The following TMEM35A variants were observed in gnomAD, a reference collection of about 807,000 sequenced individuals.
TMEM35A encodes transmembrane protein 35A.
For missense variants in TMEM35A, 83 were observed against 132.7 expected (o/e 0.63, Z 1.84); for synonymous variants, 50 against 54.7 (o/e 0.91, Z 0.38).
intron 1 of TMEM35A, among the ~76,000 whole-genome samples, chrX:101,080,433 G>A (rs186637607): frequency 8.9e-6 from 1 of 111,739 alleles, no homozygotes; most frequent in East Asian, 2.8e-4. Context: ...CTCACCGCAG[G>A]ATCACCCTAG....
chrX:101,080,886 C>CT (rs1232086416), intron 1 of TMEM35A, among the ~76,000 whole-genome samples: 14 of 110,025 alleles, frequency 1.3e-4, no homozygotes, highest in East Asian at 8.5e-4. Flanking sequence ...AGAGGCCCCC[C>CT]CAAGCTGCAC....
At chrX:101,080,807 C>T (rs1476308524) in intron 1 of TMEM35A, among the ~76,000 whole-genome samples, 1 of 110,001 alleles carries the variant, frequency 9.1e-6, no homozygotes, top group Non-Finnish European at 1.9e-5. Flanking sequence ...GTAAGCTTTC[C>T]CTAGCCTTAG....
At chrX:101,086,186 T>A (rs1029757745) in intron 1 of TMEM35A, among the ~76,000 whole-genome samples, 11 of 111,617 alleles carry the variant, frequency 9.9e-5, no homozygotes, top group Non-Finnish European at 1.9e-4. Flanking sequence ...AATGGCATGG[T>A]CTCGGCTCAC....
At chrX:101,086,189 C>T (rs1265184263) in intron 1 of TMEM35A, among the ~76,000 whole-genome samples, 2 of 111,505 alleles carry the variant, frequency 1.8e-5, no homozygotes, top group African/African-American at 3.3e-5. Context: ...GGCATGGTCT[C>T]GGCTCACCGC....
At chrX:101,092,026 T>C (rs967327530) in intron 1 of TMEM35A, among the ~76,000 whole-genome samples, 2 of 111,049 alleles carry the variant, frequency 1.8e-5, no homozygotes, top group African/African-American at 6.6e-5. Flanking sequence ...TATAACACTT[T>C]ATTGCACTTG....
chrX:101,085,093 T>C (rs888185744), intron 1 of TMEM35A, among the ~76,000 whole-genome samples: 59 of 111,566 alleles, frequency 5.3e-4, no homozygotes, highest in African/African-American at 1.8e-3. Flanking sequence ...TTTTACCTAA[T>C]TGGCATGAGT....
At chrX:101,084,524 T>C (rs1311677599) in intron 1 of TMEM35A, among the ~76,000 whole-genome samples, 3 of 111,478 alleles carry the variant, frequency 2.7e-5, no homozygotes, top group Non-Finnish European at 3.8e-5. Context: ...AGTATGCAGC[T>C]CAAGGAATTT....
At chrX:101,083,098 C>T (rs1450046101) in intron 1 of TMEM35A, among the ~76,000 whole-genome samples, 2 of 111,625 alleles carry the variant, frequency 1.8e-5, no homozygotes, top group Non-Finnish European at 3.8e-5. Context: ...TCTGAATAGC[C>T]CATTTGGCAT....
intron 1 of TMEM35A, among the ~76,000 whole-genome samples, chrX:101,089,337 G>A (rs2089316431): frequency 9.0e-6 from 1 of 110,698 alleles, no homozygotes; most frequent in Non-Finnish European, 1.9e-5. Flanking sequence ...CAAGTGTAGC[G>A]TCGGAGCCTA....
rs1311117433 is a variant in TMEM35A, at chrX:101,096,052, C to G, written c.*1096C>G. On this transcript the variant is annotated 3_prime_UTR_variant, in exon 2 of 2. Coordinates refer to ENST00000372930, the MANE Select transcript of TMEM35A (RefSeq NM_021637.3). ...CTAGTATAAGCAGAGTTCCAAGTCTCCCCTAGGGTTGTCTCTACATTTCTT... is the reference window on the plus strand; with the variant it reads ...CTAGTATAAGCAGAGTTCCAAGTCTGCCCTAGGGTTGTCTCTACATTTCTT... The G allele has an allele frequency of 8.9e-6, 1 of 112,515 alleles. No individual in the cohort carries two copies. Among genetic ancestry groups the G allele is most frequent in the Non-Finnish European group, 1.9e-5 (1 of 53,357 alleles). The allele number at this position is 112,515 out of a possible 1,213,427, so 9.3% of individuals were successfully genotyped here.
rs1029604768 is a variant in TMEM35A at position 101,081,084 on chromosome X, A to G, written c.120+1962A>G. Among the ~76,000 whole-genome samples the G allele has an allele frequency of 2.7e-5, 3 of 112,527 alleles. No homozygotes were observed. In the Admixed American group the frequency reaches 2.8e-4, roughly 11 times the overall value. The stretch of plus-strand genomic sequence containing the variant: ...CAGAAGAAACAAATATGAAGATTTC[A>G]TATCATACATAGGAACATATTTAAA... On this transcript the variant is annotated intron_variant, in intron 1 of 1. Coordinates refer to ENST00000372930, the MANE Select transcript of TMEM35A (RefSeq NM_021637.3).
chrX:101,094,265 G>A (rs778080864), intron 1 of TMEM35A: 35 of 147,952 alleles, frequency 2.4e-4, no homozygotes, highest in African/African-American at 7.3e-4. Flanking sequence ...ACAGGTGCCC[G>A]CCACCACTCC....
intron 1 of TMEM35A, among the ~76,000 whole-genome samples, chrX:101,087,756 A>G (rs2148110096): frequency 8.9e-6 from 1 of 112,060 alleles, no homozygotes; most frequent in South Asian, 3.7e-4. Context: ...CTAACTGACT[A>G]TAAGAAACTC....
chrX:101,083,915 C>T (rs186842536), intron 1 of TMEM35A, among the ~76,000 whole-genome samples: 25 of 110,842 alleles, frequency 2.3e-4, no homozygotes, highest in African/African-American at 7.2e-4. Flanking sequence ...TTGACTGGTA[C>T]GATCAAGCAT....
intron 1 of TMEM35A, among the ~76,000 whole-genome samples, chrX:101,080,266 T>C (rs2089288260): frequency 1.8e-5 from 2 of 111,583 alleles, no homozygotes; most frequent in African/African-American, 6.5e-5. Flanking sequence ...GAGGAATTCA[T>C]AGCTCTCCTG....
At chrX:101,086,815 G>C (rs7050144) in intron 1 of TMEM35A, among the ~76,000 whole-genome samples, 11,100 of 111,004 alleles carry the variant, frequency 0.1, 1,396 homozygotes, top group African/African-American at 0.34. Flanking sequence ...TCTGTCAACT[G>C]TCTTTATTCT....
At chrX:101,093,791 G>T (rs1261858270) in intron 1 of TMEM35A, among the ~76,000 whole-genome samples, 1 of 111,490 alleles carries the variant, frequency 9.0e-6, no homozygotes, top group East Asian at 2.8e-4. Context: ...TAGTTCTGTA[G>T]GCTGAGAAGT....
chrX:101,086,887 C>T (rs758160669), intron 1 of TMEM35A, among the ~76,000 whole-genome samples: 2 of 108,865 alleles, frequency 1.8e-5, no homozygotes, highest in African/African-American at 6.7e-5. Context: ...ACATGTGACC[C>T]TTCTATTGTT....
At chrX:101,089,215 T>C (rs1395139451) in intron 1 of TMEM35A, among the ~76,000 whole-genome samples, 1 of 111,009 alleles carries the variant, frequency 9.0e-6, no homozygotes, top group Non-Finnish European at 1.9e-5. Flanking sequence ...TAACACTTTG[T>C]ATTTCCATAT....
Sources: allele counts gnomAD v4.1 joint callset (sites outside exome capture counted in the v4.1 genomes callset), GRCh38; gene constraint gnomAD v4.1.1; transcripts MANE v1.5; gene names NCBI Gene and HGNC (gene_info 2026-07-23, HGNC 2026-07-21).